The following COP1 variants were observed in gnomAD, a reference collection of about 807,000 sequenced individuals.
The protein encoded by COP1 is E3 ubiquitin-protein ligase COP1.
In COP1, 24 loss-of-function variants were observed where a neutral mutation model predicts 101.3. The observed-to-expected ratio is 0.24, with a 90% CI of 0.17 to 0.33. COP1 has a LOEUF of 0.33. COP1 is among the 10% of genes least tolerant of loss of function. COP1 has a pLI of 1.00. For synonymous variants in COP1, 347 were observed against 341.9 expected, an observed-to-expected ratio of 1.01 and a Z score of -0.17; for missense variants, 663 against 906.2, an observed-to-expected ratio of 0.73 and a Z score of 3.45.
intron 18 of COP1, among the ~76,000 whole-genome samples, chr1:175,966,300 C>G (rs1652025814): frequency 6.6e-6 from 1 of 151,906 alleles, no homozygotes. Flanking sequence ...CACACACACA[C>G]ACACACACAC....
At chr1:175,978,006 C>T (rs1328178650) in intron 18 of COP1, among the ~76,000 whole-genome samples, 1 of 152,056 alleles carries the variant, frequency 6.6e-6, no homozygotes, top group African/African-American at 2.4e-5. Context: ...AAACTCAAAT[C>T]CCTTCCCATC....
chr1:175,964,471 G>C (rs1345669734), intron 18 of COP1, among the ~76,000 whole-genome samples: 2 of 152,136 alleles, frequency 1.3e-5, no homozygotes, highest in African/African-American at 4.8e-5. Context: ...CCCCTTTCAA[G>C]TGGTAGAACA....
chr1:176,005,717 T>G (rs377084890), intron 15 of COP1, among the ~76,000 whole-genome samples: 2 of 146,982 alleles, frequency 1.4e-5, no homozygotes, highest in Non-Finnish European at 3.0e-5. Context: ...GTATGAGAGA[T>G]AGTTTGTTAT....
chr1:175,965,102 T>C (rs1651841798), intron 18 of COP1, among the ~76,000 whole-genome samples: 1 of 152,214 alleles, frequency 6.6e-6, no homozygotes, highest in African/African-American at 2.4e-5. Flanking sequence ...ATTTTTTTTT[T>C]CTGTCTTCAG....
intron 11 of COP1, among the ~76,000 whole-genome samples, chr1:176,057,348 CTCTCCCTCTCTTTCCACGA>C (rs894636823): frequency 3.3e-5 from 5 of 152,138 alleles, no homozygotes; most frequent in African/African-American, 9.7e-5. Flanking sequence ...CACGGATTCC[CTCTCCCTCTCTTTCCACGA>C]TCTCCCTCTG....
chr1:175,945,722 A>G (rs1279900495), intron 19 of COP1, among the ~76,000 whole-genome samples: 2 of 152,192 alleles, frequency 1.3e-5, no homozygotes, highest in African/African-American at 4.8e-5. Context: ...AACTAAGAGG[A>G]AGCAAATGGC....
intron 12 of COP1, among the ~76,000 whole-genome samples, chr1:176,044,794 T>C (rs887649549): frequency 1.3e-5 from 2 of 152,320 alleles, no homozygotes; most frequent in African/African-American, 4.8e-5. Context: ...GCTTTCAGCC[T>C]TGAGCGCTTT....
At chr1:175,986,220 C>T (rs1372157008) in intron 18 of COP1, among the ~76,000 whole-genome samples, 1 of 152,064 alleles carries the variant, frequency 6.6e-6, no homozygotes, top group Non-Finnish European at 1.5e-5. Context: ...AGGGTTTCAC[C>T]GTGTTAGCCA....
intron 9 of COP1, among the ~76,000 whole-genome samples, chr1:176,100,666 G>T (rs1160826453): frequency 6.6e-6 from 1 of 152,124 alleles, no homozygotes; most frequent in Non-Finnish European, 1.5e-5. Flanking sequence ...TCACTCGGAG[G>T]TTTCCTTTTT....
At chr1:176,023,736 A>G (rs1489845283) in intron 15 of COP1, among the ~76,000 whole-genome samples, 9 of 142,228 alleles carry the variant, frequency 6.3e-5, no homozygotes, top group South Asian at 4.5e-4. Flanking sequence ...AAAAAAAAAA[A>G]AAAGAAAAGA....
chr1:176,195,014 G>C (rs1699504547), intron 1 of COP1, among the ~76,000 whole-genome samples: 1 of 152,006 alleles, frequency 6.6e-6, no homozygotes, highest in South Asian at 2.1e-4. Context: ...TTGAGCTTGG[G>C]AGGTAGAGGC....
chr1:176,137,460 T>C (rs540564962), intron 6 of COP1, among the ~76,000 whole-genome samples: 1 of 152,300 alleles, frequency 6.6e-6, no homozygotes, highest in Non-Finnish European at 1.5e-5. Context: ...TATACCAATT[T>C]AAATTCCTAA....
At chr1:176,174,007 A>AAAAAAAG (rs1456552067) in intron 3 of COP1, among the ~76,000 whole-genome samples, 10 of 122,024 alleles carry the variant, frequency 8.2e-5, no homozygotes, top group Admixed American at 2.8e-4. Flanking sequence ...AAAAAAAAAA[A>AAAAAAAG]AGAGAATATA....
rs1161702874 is a variant in COP1, at chr1:176,206,796, G to A, written c.183C>T (p.Leu61=). ...GVAQAAGSGG[L]GGPVRPVLVA... is the part of the protein sequence containing the mutation. ...CCAACACAGGCCGCACCGGGCCCCCGAGGCCGCCCGAGCCGGCGGCCTGGG... is the reference window on the plus strand; with the variant it reads ...CCAACACAGGCCGCACCGGGCCCCCAAGGCCGCCCGAGCCGGCGGCCTGGG... The change falls in exon 1 of 20, where the codon CTC becomes CTT. Residue 61 remains leucine (L), a synonymous_variant. Coordinates refer to ENST00000367669, the MANE Select transcript of COP1 (RefSeq NM_022457.7). 2 of 1,386,090 alleles carry A rather than the reference G, an allele frequency of 1.4e-6. No individual in the cohort carries two copies. Among genetic ancestry groups the A allele is most frequent in the Non-Finnish European group, 1.9e-6 (2 of 1,080,998 alleles). 85.9% of individuals were successfully genotyped at this position (1,386,090 alleles called of 1,614,324 possible). A position where few individuals can be genotyped will look rare whatever the true frequency, so the allele number is the denominator to read the frequency against.
At chr1:175,991,084 C>T (rs1658320779) in intron 15 of COP1, among the ~76,000 whole-genome samples, 1 of 152,034 alleles carries the variant, frequency 6.6e-6, no homozygotes, top group Admixed American at 6.6e-5. Context: ...TGGAGCATTT[C>T]AGATTTTGGA....
At chr1:176,057,733 T>C (rs1007248606) in intron 11 of COP1, among the ~76,000 whole-genome samples, 2 of 152,134 alleles carry the variant, frequency 1.3e-5, no homozygotes, top group African/African-American at 4.8e-5. Flanking sequence ...AGTGCCGAGA[T>C]TGCAGCCTCT....
intron 11 of COP1, among the ~76,000 whole-genome samples, chr1:176,066,076 CA>C (rs1675911732): frequency 6.6e-6 from 1 of 152,120 alleles, no homozygotes; most frequent in African/African-American, 2.4e-5. Flanking sequence ...AAAGAATCTA[CA>C]TAAGTCTTTC....
intron 11 of COP1, among the ~76,000 whole-genome samples, chr1:176,062,016 TGGAGACGGC>T (rs926640219): frequency 2.6e-4 from 39 of 152,224 alleles, no homozygotes; most frequent in African/African-American, 8.4e-4. Flanking sequence ...TTATTGTTTT[TGGAGACGGC>T]ATCTCACTCT....
At chr1:175,997,572 T>C (rs2148827552) in intron 15 of COP1, among the ~76,000 whole-genome samples, 1 of 151,984 alleles carries the variant, frequency 6.6e-6, no homozygotes, top group East Asian at 1.9e-4. Flanking sequence ...AACAACCCCA[T>C]GAAAAAGTGG....
Sources: allele counts gnomAD v4.1 joint callset (sites outside exome capture counted in the v4.1 genomes callset), GRCh38; gene constraint gnomAD v4.1.1; transcripts MANE v1.5; gene names NCBI Gene and HGNC (gene_info 2026-07-23, HGNC 2026-07-21).